NALF1: variants seen among roughly 807,000 people sequenced by gnomAD.
NALF1 encodes the protein NALCN channel auxiliary factor 1.
In NALF1, 3 loss-of-function variants were observed where a neutral mutation model predicts 48.4. The observed-to-expected ratio is 0.06, with a 90% CI of 0.03 to 0.16. The LOEUF (loss-of-function observed/expected upper bound fraction) is 0.16, where lower values mean the gene tolerates loss of function less well. Ranked by LOEUF, NALF1 falls within the 10% of genes least tolerant of loss-of-function variation. The pLI is 1.00. For synonymous variants in NALF1, 262 were observed against 245.7 expected (o/e 1.07, Z -0.62); for missense variants, 526 against 571.5 (o/e 0.92, Z 0.81).
At position 107,805,518 on chromosome 13, in the gene NALF1, T is replaced by G. The variant is rs112118652; in HGVS notation, c.915+60164A>C. 7.3e-3 allele frequency among the ~76,000 whole-genome samples: 1,117 copies of G among 152,284 alleles called. 12 individuals are homozygous for G. The highest frequency in any genetic ancestry group is 0.025 in the African/African-American group (1,057 of 41,556). ...CCCCACTCTCCCAGGAGCTCTTTTG[T>G]TCTTACAGAGGGATAGAAATGGAGG... On this transcript the variant is annotated intron_variant, in intron 1 of 2. Coordinates refer to ENST00000375915, the MANE Select transcript of NALF1 (RefSeq NM_001080396.3).
chr13:107,414,209 T>C (rs1052011530), intron 1 of NALF1, among the ~76,000 whole-genome samples: 10 of 152,084 alleles, frequency 6.6e-5, no homozygotes, highest in African/African-American at 1.9e-4. Flanking sequence ...GAAAAACATA[T>C]ATATATAGAA....
intron 1 of NALF1, among the ~76,000 whole-genome samples, chr13:107,777,180 ACGGCTGT>A (rs1188704612): frequency 6.6e-6 from 1 of 152,202 alleles, no homozygotes; most frequent in Non-Finnish European, 1.5e-5. Flanking sequence ...AGTATCTTGC[ACGGCTGT>A]CACAGCATCC....
At chr13:107,842,273 T>C (rs1257570487) in intron 1 of NALF1, among the ~76,000 whole-genome samples, 1 of 152,010 alleles carries the variant, frequency 6.6e-6, no homozygotes, top group Non-Finnish European at 1.5e-5. Context: ...GTATGCCTAT[T>C]TTATAGATGA....
chr13:107,686,394 A>G (rs1881434202), intron 1 of NALF1, among the ~76,000 whole-genome samples: 4 of 151,498 alleles, frequency 2.6e-5, no homozygotes, highest in Admixed American at 2.6e-4. Flanking sequence ...TATTATTATT[A>G]TTATTATTGT....
At chr13:107,329,136 G>A (rs1042532013) in intron 1 of NALF1, among the ~76,000 whole-genome samples, 8 of 152,142 alleles carry the variant, frequency 5.3e-5, no homozygotes, top group African/African-American at 1.2e-4. Context: ...AAGAACAAAC[G>A]TGTACCATAA....
intron 1 of NALF1, among the ~76,000 whole-genome samples, chr13:107,585,592 C>T (rs142182894): frequency 6.6e-6 from 1 of 152,232 alleles, no homozygotes; most frequent in African/African-American, 2.4e-5. Context: ...AGCTTTGATT[C>T]ATTTCAACAG....
Position 107,865,952 on chromosome 13 carries a change from G to C in NALF1, c.645C>G (p.Leu215=). Residue 215 remains leucine (L), a synonymous_variant, in exon 1 of 3, where the codon CTC becomes CTG. Transcript: ENST00000375915. ...QEVRSKHPTP[L]WNLSDFYLSF... ...AAAGGTAAAAATCCGACAAGTTCCA[G>C]AGCGGAGTGGGATGCTTGCTCCTCA... is the stretch of plus-strand genomic sequence containing the variant. The C allele has an allele frequency of 6.2e-7, 1 of 1,613,796 alleles. No homozygotes were observed. The highest frequency in any genetic ancestry group is 8.5e-7 in the Non-Finnish European group (1 of 1,180,008).
At chr13:107,255,123 C>G (rs115921413) in intron 1 of NALF1, among the ~76,000 whole-genome samples, 2,666 of 152,294 alleles carry the variant, frequency 0.018, 71 homozygotes, top group African/African-American at 0.061. Context: ...GTCCATTTCA[C>G]TTACAGACCT....
chr13:107,606,274 A>ATG (rs1436822200), intron 1 of NALF1, among the ~76,000 whole-genome samples: 4 of 16,044 alleles, frequency 2.5e-4, no homozygotes, highest in East Asian at 2.9e-3. Context: ...TCTCATATAT[A>ATG]TATATATGTG....
At chr13:107,312,411 A>C (rs1192225498) in intron 1 of NALF1, among the ~76,000 whole-genome samples, 2 of 148,196 alleles carry the variant, frequency 1.3e-5, no homozygotes. Flanking sequence ...ATCACACACC[A>C]GGGCCTGTTG....
At chr13:107,618,117 C>T (rs990502420) in intron 1 of NALF1, among the ~76,000 whole-genome samples, 4 of 151,744 alleles carry the variant, frequency 2.6e-5, no homozygotes, top group African/African-American at 9.7e-5. Flanking sequence ...ATAAACAGGG[C>T]ACCGAGAGAG....
chr13:107,413,664 A>AT (rs1166634413), intron 1 of NALF1, among the ~76,000 whole-genome samples: 5 of 151,876 alleles, frequency 3.3e-5, no homozygotes, highest in Admixed American at 3.3e-4. Flanking sequence ...TCTCCACTAC[A>AT]TTGATCACAT....
At chr13:107,280,385 CAT>C (rs1881364047) in intron 1 of NALF1, among the ~76,000 whole-genome samples, 3 of 152,212 alleles carry the variant, frequency 2.0e-5, no homozygotes, top group African/African-American at 7.2e-5. Flanking sequence ...TACAAAACCA[CAT>C]GAGGTTTGTT....
chr13:107,394,867 G>A (rs555261775), intron 1 of NALF1, among the ~76,000 whole-genome samples: 2 of 152,256 alleles, frequency 1.3e-5, no homozygotes, highest in Admixed American at 6.5e-5. Context: ...AACAGGGAAG[G>A]AGGAAGGAGA....
At chr13:107,257,112 A>G (rs1023320306) in intron 1 of NALF1, among the ~76,000 whole-genome samples, 1 of 151,988 alleles carries the variant, frequency 6.6e-6, no homozygotes, top group Non-Finnish European at 1.5e-5. Context: ...AGGGGGAAGA[A>G]CCCCTTACAA....
intron 1 of NALF1, among the ~76,000 whole-genome samples, chr13:107,241,913 T>G (rs1430645462): frequency 6.6e-6 from 1 of 152,168 alleles, no homozygotes; most frequent in East Asian, 1.9e-4. Context: ...CCCCACGGAA[T>G]GGCTCCCCAG....
intron 1 of NALF1, among the ~76,000 whole-genome samples, chr13:107,505,321 G>A (rs921030241): frequency 2.6e-5 from 4 of 152,218 alleles, no homozygotes; most frequent in African/African-American, 7.2e-5. Context: ...AGGCCTGGAG[G>A]GCATGGCAAA....
At chr13:107,561,649 G>A (rs533608468) in intron 1 of NALF1, among the ~76,000 whole-genome samples, 1 of 152,102 alleles carries the variant, frequency 6.6e-6, no homozygotes, top group Non-Finnish European at 1.5e-5. Flanking sequence ...CCTATTCCCT[G>A]CCAATCTTTT....
At chr13:107,300,064 C>T (rs1367554347) in intron 1 of NALF1, among the ~76,000 whole-genome samples, 1 of 152,186 alleles carries the variant, frequency 6.6e-6, no homozygotes, top group Non-Finnish European at 1.5e-5. Context: ...CTAAGATTTG[C>T]AGGGGGCTGG....
Sources: allele counts gnomAD v4.1 joint callset (sites outside exome capture counted in the v4.1 genomes callset), GRCh38; gene constraint gnomAD v4.1.1; transcripts MANE v1.5; gene names NCBI Gene and HGNC (gene_info 2026-07-23, HGNC 2026-07-21).